The following FLT1 variants were observed in gnomAD, a reference collection of about 807,000 sequenced individuals.
FLT1 encodes the protein fms related receptor tyrosine kinase 1.
Under a neutral mutation model 156.3 loss-of-function variants are expected in FLT1, and 49 were observed. The ratio of observed to expected loss-of-function variants is 0.31; its 90% confidence interval spans 0.25 to 0.40. FLT1 has a LOEUF of 0.40. Ranked by LOEUF, FLT1 falls within the 10% of genes least tolerant of loss-of-function variation. The probability of loss-of-function intolerance (pLI) is 1.00; values close to 1 mark genes in which losing one functional copy is unlikely to be tolerated. For missense variants in FLT1, 1,322 were observed against 1,637.2 expected (o/e 0.81, Z 3.32); for synonymous variants, 594 against 583.8 (o/e 1.02, Z -0.25).
At chr13:28,397,860 A>G (rs1031010806) in intron 11 of FLT1, among the ~76,000 whole-genome samples, 2 of 151,986 alleles carry the variant, frequency 1.3e-5, no homozygotes, top group African/African-American at 4.8e-5. Context: ...AATTTAAATT[A>G]TGAATTAATG....
At chr13:28,487,130 CTA>C (rs1050110595) in intron 1 of FLT1, among the ~76,000 whole-genome samples, 1 of 152,166 alleles carries the variant, frequency 6.6e-6, no homozygotes, top group African/African-American at 2.4e-5. Context: ...TTAAAATTAC[CTA>C]TGCCTAGGTC....
At chr13:28,321,701 G>A (rs1342985836) in intron 22 of FLT1, 116 bp from the exon 23 acceptor site, 3 of 1,014,228 alleles carry the variant, frequency 3.0e-6, no homozygotes, top group South Asian at 1.3e-5. Flanking sequence ...TGTGAAGGGA[G>A]CACCTCTCGG....
At chr13:28,469,826 AC>A (rs749296867) in intron 1 of FLT1, among the ~76,000 whole-genome samples, 5 of 151,910 alleles carry the variant, frequency 3.3e-5, no homozygotes, top group Non-Finnish European at 5.9e-5. Flanking sequence ...ATCTTGACTC[AC>A]TCTGCAACCT....
At chr13:28,368,138 C>A in intron 14 of FLT1, 1 of 646,158 alleles carries the variant, frequency 1.5e-6, no homozygotes, top group East Asian at 1.2e-4. Flanking sequence ...TGAATTTTGT[C>A]TGTTTATTTA....
At chr13:28,332,867 C>A (rs139628320) in intron 18 of FLT1, among the ~76,000 whole-genome samples, 20 of 152,242 alleles carry the variant, frequency 1.3e-4, no homozygotes, top group African/African-American at 4.8e-4. Flanking sequence ...ATGTTGATGC[C>A]TCTTCTCTTC....
At chr13:28,431,477 C>A (rs1218528043) in intron 6 of FLT1, among the ~76,000 whole-genome samples, 167 bp from the exon 7 acceptor site, 1 of 152,196 alleles carries the variant, frequency 6.6e-6, no homozygotes, top group African/African-American at 2.4e-5. Context: ...ACATCTGTGT[C>A]TAGAGGTGCT....
chr13:28,471,453 C>T (rs1184175854), intron 1 of FLT1, among the ~76,000 whole-genome samples: 1 of 152,196 alleles, frequency 6.6e-6, no homozygotes, highest in African/African-American at 2.4e-5. Flanking sequence ...AGTTTCATGT[C>T]CATGTACCTA....
Position 28,494,826 on chromosome 13 carries a change from G to A in FLT1, c.18C>T (p.Asp6=), listed in dbSNP as rs2137684206. 1.3e-6 allele frequency: 2 copies of A among 1,572,590 alleles called. No homozygotes were observed. Among genetic ancestry groups the A allele is most frequent in the Admixed American group, 1.8e-5 (1 of 56,468 alleles). ...GCAGCGCGCACAGCAGGACCCCGGT[G>A]TCCCAGTAGCTGACCATGGTGAGCG... is the stretch of plus-strand genomic sequence containing the variant. MVSYW[D]TGVLLCALLS... The change falls in exon 1 of 30, where the codon GAC becomes GAT. Residue 6 remains aspartate, a synonymous_variant. Coordinates refer to ENST00000282397, the MANE Select transcript of FLT1 (RefSeq NM_002019.4).
chr13:28,353,355 C>T (rs1872787216), intron 15 of FLT1, among the ~76,000 whole-genome samples: 1 of 151,812 alleles, frequency 6.6e-6, no homozygotes. Flanking sequence ...GGTGGATTAC[C>T]TGAGGTCAGG....
Position 28,303,200 on chromosome 13 carries a change from G to C in FLT1, c.3984C>G (p.Asn1328Lys). 1 of 1,612,726 alleles carries C rather than the reference G, an allele frequency of 6.2e-7. No homozygotes were observed. Among genetic ancestry groups the C allele is most frequent in the African/African-American group, 1.3e-5 (1 of 74,996 alleles). Residue 1328 changes from asparagine (N) to lysine (K), a missense_variant, in exon 30 of 30, where the codon AAC becomes AAG. Physicochemically the swap from Asn to Lys is moderately conservative, Grantham distance 94. Transcript: ENST00000282397. Reference sequence around the variant, plus strand: ...GTGGGGTGGAGTACAGGACCACCGAGTTGTAGTCTGGGGGCGGGGAGCAGC... The same window carrying C: ...GTGGGGTGGAGTACAGGACCACCGACTTGTAGTCTGGGGGCGGGGAGCAGC... ...IACCSPPPDY[N>K]SVVLYSTPPI
rs1223931604 is a variant in FLT1 at position 28,322,521 on chromosome 13, C to T, written c.2954-162G>A. The T allele has an allele frequency of 4.1e-6, 3 of 724,472 alleles. No homozygotes were observed. The highest frequency in any genetic ancestry group is 4.0e-5 in the Admixed American group (2 of 50,052). 44.9% of individuals were successfully genotyped at this position (724,472 alleles called of 1,614,324 possible). ...TTCAACATGAACACCAGAGATTTTT[C>T]CAGGCCTCCAGCCCACTTTATCCAA... On this transcript the variant is annotated intron_variant, in intron 21 of 29. Coordinates refer to ENST00000282397, the MANE Select transcript of FLT1 (RefSeq NM_002019.4). This position sits in a 1 kb window ranked among gnomAD's most constrained non-coding sequence, Gnocchi z 4.3.
chr13:28,433,791 A>G (rs375906094), intron 6 of FLT1, 28 bp downstream of exon 6: 51 of 1,609,876 alleles, frequency 3.2e-5, no homozygotes, highest in Non-Finnish European at 3.6e-5. Flanking sequence ...ACTGTCCTGC[A>G]GAAGAAATAG....
At chr13:28,339,025 G>T in intron 17 of FLT1, 143 bp downstream of exon 17, 1 of 689,282 alleles carries the variant, frequency 1.5e-6, no homozygotes, top group South Asian at 1.9e-5. Flanking sequence ...ATTTACTTTT[G>T]TGTCCATCTC....
intron 14 of FLT1, among the ~76,000 whole-genome samples, chr13:28,367,694 G>A (rs962307506): frequency 1.4e-4 from 21 of 152,156 alleles, no homozygotes; most frequent in African/African-American, 4.8e-4. Flanking sequence ...CCATGTGTTT[G>A]CCTCCTGTTC....
At position 28,329,754 on chromosome 13, in the gene FLT1, G is replaced by A. The variant is rs752298017; in HGVS notation, c.2594-26C>T. 1.9e-6 allele frequency: 3 copies of A among 1,580,062 alleles called. No homozygotes were observed. The South Asian group carries it at 3.3e-5, about 18-fold the overall frequency. ...CTGTGTGAGAAGCAAGGAAGAGTCA[G>A]GGCGACAGGACAATGGGGCTCCTTC... On this transcript the variant is annotated intron_variant, in intron 18 of 29. Coordinates refer to ENST00000282397, the MANE Select transcript of FLT1 (RefSeq NM_002019.4).
intron 3 of FLT1, among the ~76,000 whole-genome samples, chr13:28,460,208 G>A (rs1028085116): frequency 1.3e-5 from 2 of 152,194 alleles, no homozygotes; most frequent in Non-Finnish European, 2.9e-5. Flanking sequence ...CAACAGCCAC[G>A]CCTCACAGAA....
chr13:28,473,831 A>AAGG (rs1566050975), intron 1 of FLT1, among the ~76,000 whole-genome samples: 39 of 115,130 alleles, frequency 3.4e-4, no homozygotes, highest in Non-Finnish European at 4.7e-4. Context: ...AGAAAGAAAG[A>AAGG]AAGAAAGGAA....
At chr13:28,321,841 C>CT (rs1871474839) in intron 22 of FLT1, among the ~76,000 whole-genome samples, 4 of 152,254 alleles carry the variant, frequency 2.6e-5, no homozygotes, top group Non-Finnish European at 4.4e-5. Flanking sequence ...CTAAGATTTA[C>CT]CAGTGGGCAA....
At chr13:28,336,463 C>T (rs1219737152) in intron 17 of FLT1, among the ~76,000 whole-genome samples, 1 of 152,172 alleles carries the variant, frequency 6.6e-6, no homozygotes, top group Non-Finnish European at 1.5e-5. Context: ...CTAACTAGCT[C>T]GGAAGTGTGC....
Sources: allele counts gnomAD v4.1 joint callset (sites outside exome capture counted in the v4.1 genomes callset), GRCh38; gene constraint gnomAD v4.1.1; non-coding constraint Gnocchi (gnomAD v3.1); transcripts MANE v1.5; gene names NCBI Gene and HGNC (gene_info 2026-07-23, HGNC 2026-07-21).